The following CYP24A1 variants were observed in gnomAD, a reference collection of about 807,000 sequenced individuals.
CYP24A1 encodes the protein cytochrome P450 family 24 subfamily A member 1, also known as 1,25-dihydroxyvitamin D(3) 24-hydroxylase, mitochondrial.
In CYP24A1, 68 loss-of-function variants were observed where a neutral mutation model predicts 62.4. The ratio of observed to expected loss-of-function variants is 1.09; its 90% confidence interval spans 0.90 to 1.33. The LOEUF (loss-of-function observed/expected upper bound fraction) is 1.33, where lower values mean the gene tolerates loss of function less well. CYP24A1 is among the 40% of genes most tolerant of loss of function. The pLI, the probability that CYP24A1 is intolerant of heterozygous loss-of-function variation, is 0.00. For missense variants in CYP24A1, 787 were observed against 653.0 expected, an observed-to-expected ratio of 1.21 and a Z score of -2.24; for synonymous variants, 267 against 253.0, an observed-to-expected ratio of 1.06 and a Z score of -0.52.
intron 6 of CYP24A1, among the ~76,000 whole-genome samples, 153 bp downstream of exon 6, chr20:54,164,299 T>C (rs1332502565): frequency 6.6e-6 from 1 of 152,204 alleles, no homozygotes; most frequent in African/African-American, 2.4e-5. Context: ...TACTTAGAAT[T>C]TGTGTATGCT....
chr20:54,162,649 T>G, intron 7 of CYP24A1, 68 bp downstream of exon 7: 1 of 892,192 alleles, frequency 1.1e-6, no homozygotes, highest in Non-Finnish European at 1.8e-6. Context: ...GAATTACTAT[T>G]TAAAATCTGT....
intron 11 of CYP24A1, among the ~76,000 whole-genome samples, chr20:54,155,334 C>T (rs1324767246): frequency 1.3e-5 from 2 of 152,166 alleles, no homozygotes; most frequent in Non-Finnish European, 2.9e-5. Context: ...TGGCAAACAG[C>T]ATTTTTTTCT....
At position 54,154,735 on chromosome 20, in the gene CYP24A1, G is replaced by C. The variant is rs1006480472; in HGVS notation, c.*37C>G. 6.5e-6 allele frequency: 1 copy of C among 153,136 alleles called. No individual in the cohort carries two copies. The highest frequency in any genetic ancestry group is 6.5e-5 in the Admixed American group (1 of 15,272). The allele number at this position is 153,136 out of a possible 1,614,324, so 9.5% of individuals were successfully genotyped here. A position where few individuals can be genotyped will look rare whatever the true frequency, so the allele number is the denominator to read the frequency against. On this transcript the variant is annotated 3_prime_UTR_variant, in exon 12 of 12. Transcript: ENST00000216862. The stretch of plus-strand genomic sequence containing the variant: ...AGCACTCAGTCCGCTTCCCTGAGTT[G>C]GATATGATGTTAGCAAATACCACCA...
chr20:54,150,295 C>A (rs1005243174), downstream of CYP24A1, among the ~76,000 whole-genome samples: 1 of 152,198 alleles, frequency 6.6e-6, no homozygotes, highest in African/African-American at 2.4e-5. Flanking sequence ...GAGTTCCATA[C>A]CCCTTAAACT....
chr20:54,159,582 A>T (rs1222235040), intron 7 of CYP24A1, among the ~76,000 whole-genome samples: 2 of 152,086 alleles, frequency 1.3e-5, no homozygotes. Context: ...TTTAGTAGAG[A>T]TGGGGTTTCA....
intron 4 of CYP24A1, 26 bp downstream of exon 4, chr20:54,169,566 T>C (rs1286970053): frequency 1.2e-6 from 2 of 1,613,988 alleles, no homozygotes; most frequent in East Asian, 2.2e-5. Context: ...GCAAAATCAG[T>C]GAGCAAGTCT....
downstream of CYP24A1, among the ~76,000 whole-genome samples, chr20:54,151,025 AT>A (rs941860613): frequency 2.3e-4 from 35 of 152,020 alleles, no homozygotes; most frequent in East Asian, 7.7e-4. Context: ...TGGGAAATTA[AT>A]TTTTTTTTAA....
intron 7 of CYP24A1, among the ~76,000 whole-genome samples, chr20:54,162,229 T>G (rs1301105003): frequency 4.1e-5 from 2 of 48,558 alleles, no homozygotes; most frequent in South Asian, 5.8e-4. Flanking sequence ...CCTTTTTTTT[T>G]TTTTTTTTTT....
rs748809100 is a variant in CYP24A1, at chr20:54,173,360, G to A, written c.220C>T (p.Leu74Phe). The change falls in exon 1 of 12, where the codon CTC becomes TTC. Residue 74 changes from leucine to phenylalanine, a missense_variant. Physicochemically the swap from Leu to Phe is conservative, Grantham distance 22. Coordinates refer to ENST00000216862, the MANE Select transcript of CYP24A1 (RefSeq NM_000782.5). This position sits in a 1 kb window ranked among gnomAD's most constrained non-coding sequence, Gnocchi z 7.2. ...WPLLGSLLQILWKGGLKKQHD... is the reference protein window; with the variant it reads ...WPLLGSLLQIFWKGGLKKQHD... The stretch of plus-strand genomic sequence containing the variant: ...TGTTTCTTGAGACCCCCTTTCCAGA[G>A]AATCTGCAGCAGGCTGCCCAGCAGT... 1.2e-6 allele frequency: 2 copies of A among 1,605,524 alleles called. No individual in the cohort carries two copies. The highest frequency in any genetic ancestry group is 1.7e-6 in the Non-Finnish European group (2 of 1,175,374).
At chr20:54,147,586 C>G in the CYP24A1 span, among the ~76,000 whole-genome samples, 8 of 152,224 alleles carry the variant, frequency 5.3e-5, no homozygotes, top group Non-Finnish European at 1.0e-4. Flanking sequence ...CATCCCACAA[C>G]TGTTAAATGT....
rs145582184 is a variant in CYP24A1, at chr20:54,155,900, A to C, written c.*11-1139T>G. On this transcript the variant is annotated intron_variant, in intron 11 of 11. Coordinates refer to ENST00000216862, the MANE Select transcript of CYP24A1 (RefSeq NM_000782.5). ...ACTCAGGACGAGGCCAACATATGCTATTTGGCTTATGTTATTTAAAGGAAA... is the reference window on the plus strand; with the variant it reads ...ACTCAGGACGAGGCCAACATATGCTCTTTGGCTTATGTTATTTAAAGGAAA... Among the ~76,000 whole-genome samples the C allele has an allele frequency of 2.2e-5, 3 of 138,316 alleles. No homozygotes were observed. In the East Asian group the frequency reaches 7.7e-4, roughly 36 times the overall value. The allele number at this position is 138,316 out of a possible 152,430, so 90.7% of individuals were successfully genotyped here. A position where few individuals can be genotyped will look rare whatever the true frequency, so the allele number is the denominator to read the frequency against.
intron 8 of CYP24A1, 43 bp downstream of exon 8, chr20:54,158,914 A>G: frequency 1.2e-5 from 20 of 1,614,088 alleles, no homozygotes; most frequent in Non-Finnish European, 1.7e-5. Flanking sequence ...TTACGAGAAC[A>G]GTGTTCTAAC....
intron 3 of CYP24A1, 39 bp downstream of exon 3, chr20:54,171,537 TC>T (rs34356160): frequency 6.2e-7 from 1 of 1,613,766 alleles, no homozygotes; most frequent in Admixed American, 1.7e-5. Flanking sequence ...TATCCCTATG[TC>T]CCCACGAGCC....
Position 54,173,638 on chromosome 20 carries a change from AC to A in CYP24A1, c.-60del. ...GAGGATGGGGTGGGGCGAGGTTGGT[AC>A]GAGGTGCTAGTGGGAGTCGGGGCTT... is the stretch of plus-strand genomic sequence containing the variant. On this transcript the variant is annotated 5_prime_UTR_variant, in exon 1 of 12. Coordinates refer to ENST00000216862, the MANE Select transcript of CYP24A1 (RefSeq NM_000782.5). The surrounding 1 kb of genome is among the most constrained non-coding windows in gnomAD (Gnocchi z 7.2). 2 of 1,320,698 alleles carry A rather than the reference AC, an allele frequency of 1.5e-6. No homozygotes were observed. The highest frequency in any genetic ancestry group is 2.6e-5 in the South Asian group (2 of 78,098). 81.8% of individuals were successfully genotyped at this position (1,320,698 alleles called of 1,614,324 possible).
chr20:54,168,509 C>T (rs921261343), intron 4 of CYP24A1, among the ~76,000 whole-genome samples: 2 of 152,158 alleles, frequency 1.3e-5, no homozygotes, highest in Admixed American at 1.3e-4. Flanking sequence ...AAACTCGGCG[C>T]TCATGCTTCC....
At chr20:54,162,994 A>G (rs2092658594) in intron 6 of CYP24A1, 132 bp from the exon 7 acceptor site, 1 of 717,424 alleles carries the variant, frequency 1.4e-6, no homozygotes, top group Non-Finnish European at 2.6e-6. Context: ...ACAATTTGCT[A>G]CACACACTAA....
chr20:54,148,373 C>CACACACACACACACACAG, the CYP24A1 span, among the ~76,000 whole-genome samples: 1 of 132,564 alleles, frequency 7.5e-6, no homozygotes, highest in Non-Finnish European at 1.5e-5. Context: ...CACACAGACA[C>CACACACACACACACACAG]ACACACACAC....
rs2092698332 is a variant in CYP24A1, at chr20:54,172,792, C to T, written c.449+117G>A. The T allele has an allele frequency of 4.1e-5, 64 of 1,568,040 alleles. No homozygotes were observed. In the South Asian group the frequency reaches 5.4e-4, roughly 13 times the overall value. On this transcript the variant is annotated intron_variant, in intron 2 of 11. Transcript: ENST00000216862. ...CACGGGAGAGGGGCTTTGGTATCCG[C>T]CCTACGTAAGAAGCTTCCAACCCCA...
downstream of CYP24A1, among the ~76,000 whole-genome samples, chr20:54,152,175 G>C (rs1437107352): frequency 2.0e-5 from 3 of 152,172 alleles, no homozygotes; most frequent in Non-Finnish European, 2.9e-5. Flanking sequence ...GGCACCTGCA[G>C]CCTTCTTCAA....
Sources: allele counts gnomAD v4.1 joint callset (sites outside exome capture counted in the v4.1 genomes callset), GRCh38; gene constraint gnomAD v4.1.1; non-coding constraint Gnocchi (gnomAD v3.1); transcripts MANE v1.5; gene names NCBI Gene and HGNC (gene_info 2026-07-23, HGNC 2026-07-21).